TLN2: variants seen among roughly 807,000 people sequenced by gnomAD.
The protein encoded by TLN2 is talin-2.
A neutral mutation model predicts 294.7 loss-of-function variants in TLN2; 118 were observed. The observed-to-expected ratio is 0.40, with a 90% CI of 0.34 to 0.47. TLN2 has a LOEUF of 0.47. Ranked by LOEUF, TLN2 falls within the 20% of genes least tolerant of loss-of-function variation. The pLI, the probability that TLN2 is intolerant of heterozygous loss-of-function variation, is 0.84. For synonymous variants in TLN2, 1,431 were observed against 1,304.5 expected (o/e 1.10, Z -2.09); for missense variants, 3,083 against 3,282.2 (o/e 0.94, Z 1.48).
chr15:62,769,084 A>G (rs1341516743), intron 41 of TLN2, among the ~76,000 whole-genome samples: 1 of 152,218 alleles, frequency 6.6e-6, no homozygotes, highest in Admixed American at 6.5e-5. Context: ...TTTTGCATTT[A>G]ATTATTCTCA....
chr15:62,827,205 A>G (rs1344385339), intron 54 of TLN2, among the ~76,000 whole-genome samples: 2 of 152,160 alleles, frequency 1.3e-5, no homozygotes, highest in African/African-American at 4.8e-5. Context: ...GAAAAAGACC[A>G]TGGGAGGACA....
chr15:62,577,709 T>C (rs2044550303), intron 1 of TLN2, among the ~76,000 whole-genome samples: 1 of 152,186 alleles, frequency 6.6e-6, no homozygotes, highest in African/African-American at 2.4e-5. Context: ...TTTTTTTTAA[T>C]ATACTTTAAG....
At chr15:62,443,935 C>T (rs2035683592) in intron 1 of TLN2, among the ~76,000 whole-genome samples, 1 of 152,132 alleles carries the variant, frequency 6.6e-6, no homozygotes, top group Non-Finnish European at 1.5e-5. Flanking sequence ...TGGCAGTGAG[C>T]CATGATTGTG....
chr15:62,549,849 G>GA (rs1213508648), intron 1 of TLN2, among the ~76,000 whole-genome samples: 5 of 152,196 alleles, frequency 3.3e-5, no homozygotes, highest in African/African-American at 1.2e-4. Context: ...TCATTTCCAG[G>GA]AAGCCACAGG....
chr15:62,446,250 C>T (rs2035818105), intron 1 of TLN2, among the ~76,000 whole-genome samples: 1 of 152,122 alleles, frequency 6.6e-6, no homozygotes, highest in African/African-American at 2.4e-5. Context: ...CGCCCGTCTC[C>T]CCAAAGTGCT....
At chr15:62,441,503 C>G (rs2035543154) in intron 1 of TLN2, among the ~76,000 whole-genome samples, 1 of 152,232 alleles carries the variant, frequency 6.6e-6, no homozygotes, top group South Asian at 2.1e-4. Context: ...TTCCTACTCT[C>G]TTTCACAGTC....
intron 24 of TLN2, among the ~76,000 whole-genome samples, chr15:62,718,002 C>T (rs2059893236): frequency 6.6e-6 from 1 of 152,180 alleles, no homozygotes; most frequent in Non-Finnish European, 1.5e-5. Flanking sequence ...GTTGAGTTTC[C>T]AGAGTGCCTT....
At chr15:62,732,895 C>T (rs1430557585) in intron 28 of TLN2, among the ~76,000 whole-genome samples, 1 of 151,956 alleles carries the variant, frequency 6.6e-6, no homozygotes, top group Non-Finnish European at 1.5e-5. Context: ...ATGCTGGGTT[C>T]GGCACTAGAT....
intron 3 of TLN2, among the ~76,000 whole-genome samples, chr15:62,636,341 G>A (rs1234487410): frequency 6.6e-6 from 1 of 152,144 alleles, no homozygotes. Context: ...GGAATGAGTG[G>A]TGGTAGAAAA....
At chr15:62,474,076 C>T (rs1041895386) in intron 1 of TLN2, among the ~76,000 whole-genome samples, 2 of 152,102 alleles carry the variant, frequency 1.3e-5, no homozygotes, top group Non-Finnish European at 2.9e-5. Context: ...ACCTGGGTAA[C>T]GAGCGAAAGT....
At chr15:62,581,122 C>T (rs1013392497) in intron 1 of TLN2, among the ~76,000 whole-genome samples, 10 of 152,082 alleles carry the variant, frequency 6.6e-5, no homozygotes, top group Admixed American at 2.6e-4. Flanking sequence ...TCAAGTGATC[C>T]GCCTGCCTTG....
At chr15:62,663,354 T>C (rs529887097) in intron 9 of TLN2, among the ~76,000 whole-genome samples, 15 of 150,852 alleles carry the variant, frequency 9.9e-5, no homozygotes, top group African/African-American at 3.7e-4. Context: ...TAATTAATAG[T>C]TTAATATTAA....
intron 1 of TLN2, among the ~76,000 whole-genome samples, chr15:62,442,898 G>A (rs1239904040): frequency 7.9e-5 from 12 of 152,124 alleles, no homozygotes; most frequent in African/African-American, 2.9e-4. Context: ...CCAGCTTCTT[G>A]AGGCCGCCTG....
chr15:62,537,080 T>A (rs1297451540), intron 1 of TLN2, among the ~76,000 whole-genome samples: 1 of 151,776 alleles, frequency 6.6e-6, no homozygotes, highest in South Asian at 2.1e-4. Flanking sequence ...GTGCAGTGGC[T>A]TGATCTCAGC....
chr15:62,432,590 A>C (rs2035067538), intron 1 of TLN2, among the ~76,000 whole-genome samples: 1 of 152,256 alleles, frequency 6.6e-6, no homozygotes. Flanking sequence ...CACTTTGAAA[A>C]GAACCGGAGG....
intron 2 of TLN2, among the ~76,000 whole-genome samples, chr15:62,595,610 C>T (rs1275852413): frequency 1.3e-5 from 2 of 152,140 alleles, no homozygotes; most frequent in African/African-American, 4.8e-5. Context: ...TGTCTGCACT[C>T]CTATGTTCAT....
intron 28 of TLN2, among the ~76,000 whole-genome samples, chr15:62,731,908 T>C (rs1462965123): frequency 6.6e-6 from 1 of 152,228 alleles, no homozygotes; most frequent in East Asian, 1.9e-4. Flanking sequence ...ACTGTATACA[T>C]TTATTACTTT....
In TLN2 at chr15:62,835,351, C is replaced by A. The variant is rs115120569; in HGVS notation, c.7129-386C>A. 7.6e-3 allele frequency: 1,828 copies of A among 238,986 alleles called. 34 individuals carry two copies. The highest frequency in any genetic ancestry group is 0.039 in the African/African-American group (1,720 of 44,544). The allele number at this position is 238,986 out of a possible 1,614,324, so 14.8% of individuals were successfully genotyped here. On this transcript the variant is annotated intron_variant, in intron 55 of 58. Transcript: ENST00000636159. The stretch of plus-strand genomic sequence containing the variant: ...CAGTAATCGGGAGAGATTTAAATTT[C>A]TCTTAGCCCTTGAAAAGAGGAGGCC...
intron 1 of TLN2, among the ~76,000 whole-genome samples, chr15:62,486,236 G>A (rs2038385087): frequency 6.6e-6 from 1 of 151,916 alleles, no homozygotes; most frequent in South Asian, 2.1e-4. Context: ...GTCCTTGCTG[G>A]CAGACATTCC....
Sources: allele counts gnomAD v4.1 joint callset (sites outside exome capture counted in the v4.1 genomes callset), GRCh38; gene constraint gnomAD v4.1.1; transcripts MANE v1.5; gene names NCBI Gene and HGNC (gene_info 2026-07-23, HGNC 2026-07-21).